NRG3: variants seen among roughly 807,000 people sequenced by gnomAD.
The protein encoded by NRG3 is pro-neuregulin-3, membrane-bound isoform.
A neutral mutation model predicts 66.9 loss-of-function variants in NRG3; 31 were observed. The ratio of observed to expected loss-of-function variants is 0.46; its 90% CI spans 0.35 to 0.63. NRG3 has a LOEUF of 0.63. Ranked by LOEUF, NRG3 falls within the 20% of genes least tolerant of loss-of-function variation. The pLI, the probability that NRG3 is intolerant of heterozygous loss-of-function variation, is 0.00. For synonymous variants in NRG3, 393 were observed against 359.4 expected (o/e 1.09, Z -1.06); for missense variants, 910 against 878.9 (o/e 1.04, Z -0.45).
At chr10:82,706,728 T>G (rs2134345475) in intron 2 of NRG3, among the ~76,000 whole-genome samples, 1 of 152,290 alleles carries the variant, frequency 6.6e-6, no homozygotes, top group Non-Finnish European at 1.5e-5. Context: ...GCGTGGTGGC[T>G]CACGCCTTTA....
At chr10:82,490,755 A>T (rs889129181) in intron 2 of NRG3, among the ~76,000 whole-genome samples, 3 of 152,240 alleles carry the variant, frequency 2.0e-5, no homozygotes, top group Admixed American at 2.0e-4. Flanking sequence ...AACCTGCTTC[A>T]CCAGCTGCCT....
chr10:82,344,265 C>G (rs916786794), intron 1 of NRG3, among the ~76,000 whole-genome samples: 3 of 151,130 alleles, frequency 2.0e-5, no homozygotes, highest in Admixed American at 6.6e-5. Flanking sequence ...TTCCTGTGTC[C>G]ACGTGATCTC....
chr10:82,821,136 C>G (rs1766113593), intron 3 of NRG3, among the ~76,000 whole-genome samples: 1 of 152,176 alleles, frequency 6.6e-6, no homozygotes, highest in Non-Finnish European at 1.5e-5. Context: ...ATCACAGAGT[C>G]AGATGGACCT....
chr10:82,230,486 C>T (rs1295805286), intron 1 of NRG3: 1 of 151,858 alleles, frequency 6.6e-6, no homozygotes, highest in Non-Finnish European at 1.5e-5. Flanking sequence ...CAGTGTAACC[C>T]ATGTTCCTAG....
intron 1 of NRG3, among the ~76,000 whole-genome samples, chr10:81,893,832 G>T (rs1843255770): frequency 6.6e-6 from 1 of 152,152 alleles, no homozygotes; most frequent in Non-Finnish European, 1.5e-5. Context: ...CTTCACCGCA[G>T]GCAGTGATGT....
chr10:82,134,146 G>T (rs572509686), intron 1 of NRG3, among the ~76,000 whole-genome samples: 6 of 151,946 alleles, frequency 3.9e-5, no homozygotes, highest in East Asian at 1.9e-4. Context: ...ATTCTTTATA[G>T]GTGCTGGATA....
intron 2 of NRG3, among the ~76,000 whole-genome samples, chr10:82,545,364 T>C (rs1276287352): frequency 6.6e-6 from 1 of 151,666 alleles, no homozygotes; most frequent in Non-Finnish European, 1.5e-5. Flanking sequence ...TTTAAAGTAA[T>C]CTTGCTAATA....
chr10:82,943,508 A>G (rs1848745436), intron 4 of NRG3, among the ~76,000 whole-genome samples: 2 of 152,360 alleles, frequency 1.3e-5, no homozygotes, highest in Middle Eastern at 3.4e-3. Flanking sequence ...TTTAAGTTAT[A>G]GGGTCCAAAG....
At chr10:82,201,593 C>T (rs1316255670) in intron 1 of NRG3, among the ~76,000 whole-genome samples, 1 of 152,056 alleles carries the variant, frequency 6.6e-6, no homozygotes, top group East Asian at 1.9e-4. Context: ...GAAGGCAAAC[C>T]TTCAATTAGA....
At chr10:82,540,931 G>T (rs1242251717) in intron 2 of NRG3, among the ~76,000 whole-genome samples, 2 of 152,240 alleles carry the variant, frequency 1.3e-5, no homozygotes, top group African/African-American at 2.4e-5. Flanking sequence ...GTTAAGTGAG[G>T]TCATTAAGGT....
At chr10:81,982,706 AT>A (rs971082491) in intron 1 of NRG3, among the ~76,000 whole-genome samples, 22 of 152,158 alleles carry the variant, frequency 1.4e-4, no homozygotes, top group African/African-American at 2.9e-4. Flanking sequence ...TGTCTACAAA[AT>A]TTCTTCTTCT....
intron 4 of NRG3, among the ~76,000 whole-genome samples, chr10:82,940,890 C>A (rs932138284): frequency 1.3e-5 from 2 of 152,002 alleles, no homozygotes; most frequent in Non-Finnish European, 2.9e-5. Context: ...GGGGGCACAC[C>A]AATATTCAGA....
intron 2 of NRG3, among the ~76,000 whole-genome samples, chr10:82,384,810 G>A (rs984413806): frequency 6.6e-6 from 1 of 152,116 alleles, no homozygotes; most frequent in African/African-American, 2.4e-5. Flanking sequence ...TGGGATTGTG[G>A]GTTGAATGAT....
chr10:82,797,585 A>G (rs1317545511), intron 3 of NRG3, among the ~76,000 whole-genome samples: 1 of 152,120 alleles, frequency 6.6e-6, no homozygotes, highest in Non-Finnish European at 1.5e-5. Context: ...CATGTTCATT[A>G]TATCAAATGT....
chr10:82,520,976 T>C (rs1846123543), intron 2 of NRG3, among the ~76,000 whole-genome samples: 2 of 151,582 alleles, frequency 1.3e-5, no homozygotes, highest in South Asian at 4.1e-4. Flanking sequence ...TAATTTCAGA[T>C]AAAAAATAAT....
chr10:82,188,692 A>C (rs754246142), intron 1 of NRG3, among the ~76,000 whole-genome samples: 1 of 152,210 alleles, frequency 6.6e-6, no homozygotes, highest in African/African-American at 2.4e-5. Context: ...GCAAACACCT[A>C]TATGAAAAGG....
chr10:82,897,723 T>C (rs1054184504), intron 4 of NRG3, among the ~76,000 whole-genome samples: 1 of 152,150 alleles, frequency 6.6e-6, no homozygotes, highest in Non-Finnish European at 1.5e-5. Flanking sequence ...TTTCACCATG[T>C]TGGCCAGACT....
intron 6 of NRG3, among the ~76,000 whole-genome samples, 200 bp downstream of exon 6, chr10:82,959,275 C>G (rs1850377644): frequency 6.6e-6 from 1 of 152,210 alleles, no homozygotes; most frequent in Non-Finnish European, 1.5e-5. Context: ...AGTTAAATTT[C>G]AGCTCTTGAT....
At chr10:82,952,923 G>A (rs538122651) in intron 5 of NRG3, among the ~76,000 whole-genome samples, 38 of 151,882 alleles carry the variant, frequency 2.5e-4, no homozygotes, top group Non-Finnish European at 4.9e-4. Context: ...TGCAAAAATA[G>A]AACAGACAGT....
Sources: gnomAD v4.1 joint callset for allele counts (sites outside exome capture counted in the v4.1 genomes callset) on GRCh38, gnomAD v4.1.1 for gene constraint, MANE v1.5 for transcripts, NCBI Gene and HGNC (gene_info 2026-07-23, HGNC 2026-07-21) for gene names.